MICAL3: variants seen among roughly 807,000 people sequenced by gnomAD.
MICAL3 encodes [F-actin]-monooxygenase MICAL3.
A neutral mutation model predicts 207.4 loss-of-function variants in MICAL3; 62 were observed. The observed-to-expected ratio is 0.30, with a 90% CI of 0.24 to 0.37. The LOEUF is 0.37. Ranked by LOEUF, MICAL3 falls within the 10% of genes least tolerant of loss-of-function variation. The pLI, the probability that MICAL3 is intolerant of heterozygous loss-of-function variation, is 1.00. For missense variants in MICAL3, 2,368 were observed against 2,635.6 expected, an observed-to-expected ratio of 0.90 and a Z score of 2.22; for synonymous variants, 1,077 against 1,069.3, an observed-to-expected ratio of 1.01 and a Z score of -0.14.
chr22:17,872,340 G>A (rs773735664), intron 16 of MICAL3, among the ~76,000 whole-genome samples: 1 of 152,176 alleles, frequency 6.6e-6, no homozygotes, highest in Non-Finnish European at 1.5e-5. Context: ...ACAGCCTGGC[G>A]ACGCCGGGAA....
intron 16 of MICAL3, among the ~76,000 whole-genome samples, chr22:17,874,233 C>T (rs1234560341): frequency 6.6e-6 from 1 of 152,186 alleles, no homozygotes; most frequent in Non-Finnish European, 1.5e-5. Flanking sequence ...CAGATTATAC[C>T]TATTAGTGGT....
intron 16 of MICAL3, chr22:17,876,847 G>GGGAGGTTATGGAGGTTAGGGAGGTTAT (rs1928518919): frequency 1.7e-5 from 1 of 57,866 alleles, no homozygotes; most frequent in Admixed American, 1.6e-4. Flanking sequence ...AGGGAGGTTA[G>GGGAGGTTATGGAGGTTAGGGAGGTTAT]GGAGGTTATG....
intron 16 of MICAL3, chr22:17,876,599 T>G (rs1036323204): frequency 3.3e-5 from 5 of 152,390 alleles, no homozygotes; most frequent in African/African-American, 1.2e-4. Flanking sequence ...GGAGACTCAG[T>G]AGCCCCCTGG....
intron 1 of MICAL3, among the ~76,000 whole-genome samples, chr22:17,983,795 T>C (rs2146444997): frequency 6.6e-6 from 1 of 152,224 alleles, no homozygotes; most frequent in South Asian, 2.1e-4. Flanking sequence ...CCACTTCCTA[T>C]GGAAGAACCC....
intron 20 of MICAL3, chr22:17,840,398 C>T (rs1923895640): frequency 6.6e-6 from 1 of 152,138 alleles, no homozygotes; most frequent in African/African-American, 2.4e-5. Context: ...AGCATGAATG[C>T]TAGTTTTAAA....
At chr22:17,954,877 C>T (rs150292087) in intron 1 of MICAL3, among the ~76,000 whole-genome samples, 2 of 152,170 alleles carry the variant, frequency 1.3e-5, no homozygotes, top group East Asian at 1.9e-4. Flanking sequence ...GCGGACACCA[C>T]CACGCCCAGC....
chr22:18,004,826 C>T (rs1923274715), intron 1 of MICAL3: 1 of 152,196 alleles, frequency 6.6e-6, no homozygotes, highest in African/African-American at 2.4e-5. Flanking sequence ...CTAGTGCCCC[C>T]ACCATAACTC....
intron 29 of MICAL3, among the ~76,000 whole-genome samples, chr22:17,799,568 C>G (rs2061915114): frequency 1.3e-5 from 2 of 152,234 alleles, no homozygotes; most frequent in Admixed American, 1.3e-4. Flanking sequence ...GAGTCCCCAA[C>G]CCAGGAAGCC....
intron 1 of MICAL3, among the ~76,000 whole-genome samples, chr22:17,918,834 A>C (rs1011676557): frequency 2.6e-5 from 4 of 152,162 alleles, no homozygotes; most frequent in African/African-American, 9.7e-5. Flanking sequence ...GATACTAGTG[A>C]GCATCTATTA....
chr22:18,005,506 A>C (rs1168052976), intron 1 of MICAL3: 1 of 152,190 alleles, frequency 6.6e-6, no homozygotes, highest in Non-Finnish European at 1.5e-5. Flanking sequence ...AACAAATACA[A>C]AATAGCAAAA....
rs201438850 is a variant in MICAL3 at position 17,877,540 on chromosome 22, T to G, written c.2242-5517A>C. 7.4e-3 allele frequency among the ~76,000 whole-genome samples: 715 copies of G among 97,008 alleles called. 2 individuals are homozygous for G. Among genetic ancestry groups the G allele is most frequent in the South Asian group, 0.026 (77 of 2,908 alleles). The allele number at this position is 97,008 out of a possible 152,430, so 63.6% of individuals were successfully genotyped here. On this transcript the variant is annotated intron_variant, in intron 16 of 31. Transcript: ENST00000441493. ...GAGGTTAGGGAGGTGAGGGAGGTTA[T>G]GGAGGTGAGGGAGGTTATGGAGGTT...
At chr22:17,830,765 T>C (rs976696702) in intron 21 of MICAL3, among the ~76,000 whole-genome samples, 1 of 152,190 alleles carries the variant, frequency 6.6e-6, no homozygotes, top group Non-Finnish European at 1.5e-5. Context: ...AGTAGAGAAC[T>C]GGGAGAGCAG....
intron 1 of MICAL3, among the ~76,000 whole-genome samples, chr22:17,909,546 A>G (rs1931978014): frequency 6.6e-6 from 1 of 152,154 alleles, no homozygotes; most frequent in Non-Finnish European, 1.5e-5. Context: ...AAACAAAAAC[A>G]ATACACTGTT....
Position 17,871,981 on chromosome 22 carries a change from C to G in MICAL3, c.2284G>C (p.Asp762His), listed in dbSNP as rs200476293. ...CGCTTCTGGCAGAAGTAGCATGTGT[C>G]GCTGCCTCCCAGGTTCTGCGGGAAC... Reference protein sequence around the residue: ...KEFPQNLGGSDTCYFCQKRVY... With the variant: ...KEFPQNLGGSHTCYFCQKRVY... The change falls in exon 17 of 32, where the codon GAC becomes CAC. Residue 762 changes from aspartate (D) to histidine (H), a missense_variant. Physicochemically the swap from Asp to His is moderately conservative, Grantham distance 81. Transcript: ENST00000441493. 477 of 1,610,650 alleles carry G rather than the reference C, an allele frequency of 3.0e-4. No homozygotes were observed. The highest frequency in any genetic ancestry group is 3.7e-4 in the Admixed American group (22 of 59,600).
intron 1 of MICAL3, 34 bp from the exon 2 acceptor site, chr22:17,906,920 T>A: frequency 8.9e-7 from 1 of 1,121,620 alleles, no homozygotes; most frequent in African/African-American, 1.6e-5. Context: ...GGTTAGCATT[T>A]CTCTGTCTAC....
intron 20 of MICAL3, among the ~76,000 whole-genome samples, chr22:17,832,434 T>C (rs957997373): frequency 6.6e-6 from 1 of 151,690 alleles, no homozygotes; most frequent in African/African-American, 2.4e-5. Context: ...TGGAGGGGAG[T>C]GTGCAGAACT....
At chr22:17,865,837 C>T in intron 18 of MICAL3, 87 bp downstream of exon 18, 1 of 1,038,464 alleles carries the variant, frequency 9.6e-7, no homozygotes, top group Non-Finnish European at 1.5e-6. Flanking sequence ...GACGCAGGGG[C>T]ATTTGCAGGT....
At chr22:17,829,980 T>C (rs558134472) in intron 21 of MICAL3, among the ~76,000 whole-genome samples, 10 of 152,238 alleles carry the variant, frequency 6.6e-5, no homozygotes, top group African/African-American at 1.7e-4. Flanking sequence ...ACACAGACCT[T>C]TGTCTGTGAG....
chr22:18,007,651 A>G (rs928115864), intron 1 of MICAL3, among the ~76,000 whole-genome samples: 2 of 152,188 alleles, frequency 1.3e-5, no homozygotes, highest in Middle Eastern at 3.4e-3. Context: ...ACTGGCTAGC[A>G]AAGTAAAAAA....
Sources: gnomAD v4.1 joint callset for allele counts (sites outside exome capture counted in the v4.1 genomes callset) on GRCh38, gnomAD v4.1.1 for gene constraint, MANE v1.5 for transcripts, NCBI Gene and HGNC (gene_info 2026-07-23, HGNC 2026-07-21) for gene names.